The following VPS8 variants were observed in gnomAD, a reference collection of about 807,000 sequenced individuals.
The protein encoded by VPS8 is VPS8 subunit of CORVET complex.
Under a neutral mutation model 216.4 loss-of-function variants are expected in VPS8, and 129 were observed. The ratio of observed to expected loss-of-function variants is 0.60; its 90% CI spans 0.52 to 0.69. VPS8 has a LOEUF of 0.69. VPS8 is among the 30% of genes least tolerant of loss of function. The probability of loss-of-function intolerance (pLI) is 0.00; values close to 1 mark genes in which losing one functional copy is unlikely to be tolerated. For synonymous variants in VPS8, 571 were observed against 565.4 expected (o/e 1.01, Z -0.14); for missense variants, 1,531 against 1,683.5 (o/e 0.91, Z 1.59).
intron 37 of VPS8, among the ~76,000 whole-genome samples, chr3:184,960,594 C>G (rs944323653): frequency 1.3e-5 from 2 of 152,154 alleles, no homozygotes; most frequent in East Asian, 3.8e-4. Context: ...TTTCTTATGT[C>G]ACAGTGTTTC....
intron 21 of VPS8, among the ~76,000 whole-genome samples, chr3:184,873,437 A>G (rs1728699505): frequency 6.6e-6 from 1 of 152,176 alleles, no homozygotes; most frequent in African/African-American, 2.4e-5. Context: ...ACACTGTTAC[A>G]GACCCTTTAT....
At chr3:185,013,771 T>C (rs1755389825) in intron 45 of VPS8, among the ~76,000 whole-genome samples, 1 of 152,240 alleles carries the variant, frequency 6.6e-6, no homozygotes, top group African/African-American at 2.4e-5. Context: ...TTACCATTTC[T>C]ACCATCTGAC....
chr3:184,928,372 A>G lies in VPS8; in HGVS notation c.2632-79A>G, dbSNP rs1364472179. The G allele has an allele frequency of 1.1e-5, 14 of 1,295,450 alleles. No individual in the cohort carries two copies. The East Asian group carries it at 1.7e-4, about 15-fold the overall frequency. 80.2% of individuals were successfully genotyped at this position (1,295,450 alleles called of 1,614,324 possible). A position where few individuals can be genotyped will look rare whatever the true frequency, so the allele number is the denominator to read the frequency against. Reference sequence around the variant, plus strand: ...ATACAAAAGAAAAAAATTAAATGTTATAGTCTGCATGGCTGAATGCACTCT... The same window carrying G: ...ATACAAAAGAAAAAAATTAAATGTTGTAGTCTGCATGGCTGAATGCACTCT... On this transcript the variant is annotated intron_variant, in intron 31 of 47. Transcript: ENST00000625842.
At chr3:184,986,662 C>T (rs1751135706) in intron 42 of VPS8, among the ~76,000 whole-genome samples, 3 of 152,136 alleles carry the variant, frequency 2.0e-5, no homozygotes, top group African/African-American at 7.2e-5. Flanking sequence ...AGGTTTTCCT[C>T]AAGAAAAAGG....
rs6767453 is a variant in VPS8 at position 184,880,826 on chromosome 3, A to G, written c.1735-5284A>G. Among the ~76,000 whole-genome samples, 845 of 152,280 alleles carry G rather than the reference A, an allele frequency of 5.5e-3. 11 individuals carry two copies. The highest frequency in any genetic ancestry group is 0.018 in the African/African-American group (765 of 41,566). The stretch of plus-strand genomic sequence containing the variant: ...GTTTCTAGTCTACATCCAGCATTTG[A>G]TGAAGTCACTGTTTTATTTTAGCTA... On this transcript the variant is annotated intron_variant, in intron 21 of 47. Transcript: ENST00000625842.
At chr3:184,892,678 T>C (rs1487393709) in intron 22 of VPS8, among the ~76,000 whole-genome samples, 1 of 152,224 alleles carries the variant, frequency 6.6e-6, no homozygotes, top group African/African-American at 2.4e-5. Context: ...CTTTATATTA[T>C]AGCTTCTGAT....
At chr3:185,020,529 G>A (rs1365351281) in intron 45 of VPS8, among the ~76,000 whole-genome samples, 2 of 149,170 alleles carry the variant, frequency 1.3e-5, no homozygotes, top group South Asian at 4.2e-4. Context: ...GGAGTACAGT[G>A]TTGTGATCAT....
intron 36 of VPS8, among the ~76,000 whole-genome samples, chr3:184,940,922 A>C (rs2109325896): frequency 6.6e-6 from 1 of 152,350 alleles, no homozygotes; most frequent in Admixed American, 6.5e-5. Flanking sequence ...CTTGACTAGT[A>C]GTGTGCATCA....
chr3:184,978,740 T>C (rs1326549163), intron 40 of VPS8, among the ~76,000 whole-genome samples: 9 of 152,206 alleles, frequency 5.9e-5, no homozygotes, highest in African/African-American at 1.9e-4. Flanking sequence ...TCTTATTTAT[T>C]CTTTCAAAGA....
At chr3:185,037,010 A>T in intron 46 of VPS8, among the ~76,000 whole-genome samples, 1 of 151,986 alleles carries the variant, frequency 6.6e-6, no homozygotes, top group Middle Eastern at 3.2e-3. Context: ...AAAAGAAAAA[A>T]GCAAATATGC....
At chr3:184,998,517 A>C (rs1342482585) in intron 44 of VPS8, among the ~76,000 whole-genome samples, 2 of 10,872 alleles carry the variant, frequency 1.8e-4, no homozygotes, top group African/African-American at 2.3e-4. Flanking sequence ...ATATATATAT[A>C]TATATATATA....
chr3:184,876,955 T>C (rs1313261424), intron 21 of VPS8, among the ~76,000 whole-genome samples: 2 of 152,202 alleles, frequency 1.3e-5, no homozygotes, highest in African/African-American at 4.8e-5. Context: ...GACTTCCTAT[T>C]GTTTCTGAGG....
Position 184,973,685 on chromosome 3 carries a change from A to T in VPS8, c.3420+1933A>T, listed in dbSNP as rs549217774. On this transcript the variant is annotated intron_variant, in intron 40 of 47. Transcript: ENST00000625842. ...ATTGTATGCTTGTACCCATTGACAA[A>T]TCTCTCCTCATACCCCCACCCATCC... Among the ~76,000 whole-genome samples, 9 of 152,132 alleles carry T rather than the reference A, an allele frequency of 5.9e-5. No homozygotes were observed. In the South Asian group the frequency reaches 1.9e-3, roughly 32 times the overall value.
chr3:184,834,169 T>C (rs1277662602), intron 4 of VPS8, among the ~76,000 whole-genome samples: 1 of 152,102 alleles, frequency 6.6e-6, no homozygotes, highest in Non-Finnish European at 1.5e-5. Context: ...AGTAGGGTAA[T>C]GTAGACTTGC....
intron 46 of VPS8, among the ~76,000 whole-genome samples, chr3:185,036,905 G>A (rs781709031): frequency 1.3e-5 from 2 of 151,614 alleles, no homozygotes; most frequent in Non-Finnish European, 2.9e-5. Flanking sequence ...CCTCCTTTGT[G>A]CAAATATGTT....
chr3:184,950,261 G>T, intron 36 of VPS8, among the ~76,000 whole-genome samples: 1 of 103,894 alleles, frequency 9.6e-6, no homozygotes, highest in Non-Finnish European at 1.8e-5. Flanking sequence ...GCTTGTTGTG[G>T]ATGATGTATT....
intron 40 of VPS8, chr3:184,982,330 T>G: frequency 2.1e-6 from 1 of 485,812 alleles, no homozygotes. Context: ...CTCCTTACGT[T>G]TCCCAGGGCT....
At chr3:184,984,194 A>AAAAAAAAAAAAAAAAAAAAATCACCAAG in intron 42 of VPS8, among the ~76,000 whole-genome samples, 1 of 46,532 alleles carries the variant, frequency 2.1e-5, no homozygotes, top group African/African-American at 6.7e-5. Flanking sequence ...AAAAAAAAAA[A>AAAAAAAAAAAAAAAAAAAAATCACCAAG]CTCTACTTCC....
intron 1 of VPS8, 107 bp from the exon 2 acceptor site, chr3:184,824,438 T>C (rs1718278210): frequency 3.4e-6 from 2 of 586,254 alleles, no homozygotes; most frequent in African/African-American, 3.7e-5. Flanking sequence ...CAATCGGATG[T>C]TTAGGTGAAA....
Sources: allele counts gnomAD v4.1 joint callset (sites outside exome capture counted in the v4.1 genomes callset), GRCh38; gene constraint gnomAD v4.1.1; transcripts MANE v1.5; gene names NCBI Gene and HGNC (gene_info 2026-07-23, HGNC 2026-07-21).